The following CLCN3 variants were observed in gnomAD, a reference collection of about 807,000 sequenced individuals.
CLCN3 encodes the protein H(+)/Cl(-) exchange transporter 3.
CLCN3 carries 16 observed loss-of-function variants against 83.4 expected under a neutral mutation model. That is an observed-to-expected ratio of 0.19 (90% CI 0.13 to 0.29). CLCN3 has a LOEUF of 0.29. Ranked by LOEUF, CLCN3 falls within the 10% of genes least tolerant of loss-of-function variation. CLCN3 has a pLI of 1.00. For synonymous variants in CLCN3, 322 were observed against 346.2 expected (o/e 0.93, Z 0.78); for missense variants, 544 against 1,006.0 (o/e 0.54, Z 6.21).
intron 2 of CLCN3, among the ~76,000 whole-genome samples, chr4:169,643,461 C>T (rs7435394): frequency 2.6e-5 from 4 of 152,080 alleles, no homozygotes; most frequent in African/African-American, 9.7e-5. Flanking sequence ...AACTCCTGAC[C>T]TCAGGTTATC....
intron 2 of CLCN3, among the ~76,000 whole-genome samples, chr4:169,676,854 A>G (rs1442123593): frequency 6.6e-6 from 1 of 151,996 alleles, no homozygotes; most frequent in Non-Finnish European, 1.5e-5. Flanking sequence ...ATACTCATAT[A>G]TGTTTCTTCT....
At chr4:169,635,864 T>A in intron 1 of CLCN3, 49 bp from the exon 2 acceptor site, 1 of 1,431,412 alleles carries the variant, frequency 7.0e-7, no homozygotes, top group Non-Finnish European at 9.3e-7. Context: ...ACTAGATGAT[T>A]TTTATTGTAT....
intron 9 of CLCN3, among the ~76,000 whole-genome samples, chr4:169,698,115 A>C (rs775689331): frequency 3.9e-5 from 6 of 152,130 alleles, no homozygotes; most frequent in Non-Finnish European, 8.8e-5. Context: ...GTTTTTGTGG[A>C]TACACAGTAG....
At chr4:169,701,473 A>G (rs1732783877) in intron 9 of CLCN3, among the ~76,000 whole-genome samples, 1 of 152,136 alleles carries the variant, frequency 6.6e-6, no homozygotes, top group Admixed American at 6.5e-5. Context: ...TGAAACGTGA[A>G]TGTTCTGGAT....
At chr4:169,677,491 G>GTAA (rs945457862) in intron 2 of CLCN3, among the ~76,000 whole-genome samples, 30 of 152,250 alleles carry the variant, frequency 2.0e-4, no homozygotes, top group African/African-American at 7.2e-4. Context: ...TTGCCAACCC[G>GTAA]TTTTAGATTA....
At chr4:169,668,181 GTTAT>G (rs1212510649) in intron 2 of CLCN3, among the ~76,000 whole-genome samples, 15 of 145,776 alleles carry the variant, frequency 1.0e-4, no homozygotes, top group Admixed American at 8.5e-4. Context: ...TTTTTTGTTT[GTTAT>G]TTGTTTTTTA....
chr4:169,692,913 C>CTTGAAACCT (rs1476584688), intron 7 of CLCN3, among the ~76,000 whole-genome samples: 2 of 152,094 alleles, frequency 1.3e-5, no homozygotes, highest in African/African-American at 2.4e-5. Flanking sequence ...TCTACAAGAC[C>CTTGAAACCT]TTGAAACCTT....
chr4:169,649,023 TAAAAA>T (rs34046047), intron 2 of CLCN3, among the ~76,000 whole-genome samples: 1 of 137,032 alleles, frequency 7.3e-6, no homozygotes, highest in African/African-American at 2.8e-5. Flanking sequence ...GGAGAATATC[TAAAAA>T]AAAAAAAAAA....
chr4:169,703,166 A>T (rs1732863159), intron 9 of CLCN3, among the ~76,000 whole-genome samples: 1 of 152,234 alleles, frequency 6.6e-6, no homozygotes, highest in South Asian at 2.1e-4. Flanking sequence ...AAGTATTGAG[A>T]GAATTAGCAA....
chr4:169,681,674 T>G (rs1295481783), intron 3 of CLCN3, among the ~76,000 whole-genome samples: 1 of 152,156 alleles, frequency 6.6e-6, no homozygotes, highest in Non-Finnish European at 1.5e-5. Flanking sequence ...TCAATGGATA[T>G]TTACCATATT....
At chr4:169,665,532 T>C (rs971634211) in intron 2 of CLCN3, among the ~76,000 whole-genome samples, 5 of 152,108 alleles carry the variant, frequency 3.3e-5, no homozygotes, top group African/African-American at 9.7e-5. Flanking sequence ...ACTTCCACTA[T>C]CAACTTAGAA....
intron 2 of CLCN3, among the ~76,000 whole-genome samples, chr4:169,649,071 T>C (rs1730660351): frequency 6.8e-6 from 1 of 146,296 alleles, no homozygotes; most frequent in African/African-American, 2.5e-5. Flanking sequence ...AGTGGGGAAA[T>C]CAAAATTGAA....
At chr4:169,631,587 C>T (rs1273143203) in intron 1 of CLCN3, among the ~76,000 whole-genome samples, 1 of 152,310 alleles carries the variant, frequency 6.6e-6, no homozygotes, top group African/African-American at 2.4e-5. Context: ...CGCGCCCGGC[C>T]GTCTTTGCCC....
chr4:169,637,604 A>ACAG (rs1421444174), intron 2 of CLCN3, among the ~76,000 whole-genome samples: 1 of 151,630 alleles, frequency 6.6e-6, no homozygotes, highest in African/African-American at 2.4e-5. Context: ...ACCAACAACA[A>ACAG]CAACAAAAAC....
At chr4:169,699,925 C>T (rs375358399) in intron 9 of CLCN3, among the ~76,000 whole-genome samples, 1 of 152,050 alleles carries the variant, frequency 6.6e-6, no homozygotes, top group Non-Finnish European at 1.5e-5. Context: ...AATAGAAAAG[C>T]CTAAACATTT....
At chr4:169,653,867 T>G (rs1452033985) in intron 2 of CLCN3, among the ~76,000 whole-genome samples, 1 of 151,880 alleles carries the variant, frequency 6.6e-6, no homozygotes, top group Non-Finnish European at 1.5e-5. Flanking sequence ...AAGAACTCAC[T>G]CATTATCATG....
intron 2 of CLCN3, among the ~76,000 whole-genome samples, chr4:169,669,782 C>T (rs1731388741): frequency 6.6e-6 from 1 of 152,196 alleles, no homozygotes; most frequent in African/African-American, 2.4e-5. Context: ...GGTTCTTCAT[C>T]AGGCTTGTTG....
intron 2 of CLCN3, among the ~76,000 whole-genome samples, chr4:169,671,854 T>G (rs1731469963): frequency 6.6e-6 from 1 of 152,100 alleles, no homozygotes; most frequent in Non-Finnish European, 1.5e-5. Flanking sequence ...TCTTCACAGG[T>G]AAGTGAGAAC....
chr4:169,695,707 TACA>T lies in CLCN3; in HGVS notation c.1017+20_1017+22del, dbSNP rs763975627. The stretch of plus-strand genomic sequence containing the variant: ...GCCTGGAAGAGGTAGGTGAAAAGAA[TACA>T]ACAATTAAAATTATATATAATTACC... On this transcript the variant is annotated intron_variant, in intron 8 of 12. Transcript: ENST00000513761. 2.6e-6 allele frequency: 4 copies of T among 1,537,242 alleles called. No individual in the cohort carries two copies. The highest frequency in any genetic ancestry group is 3.6e-6 in the Non-Finnish European group (4 of 1,115,202).
Sources: gnomAD v4.1 joint callset for allele counts (sites outside exome capture counted in the v4.1 genomes callset) on GRCh38, gnomAD v4.1.1 for gene constraint, MANE v1.5 for transcripts, NCBI Gene and HGNC (gene_info 2026-07-23, HGNC 2026-07-21) for gene names.